Variants in CNGA4 observed in about 807,000 individuals in gnomAD.
CNGA4 encodes cyclic nucleotide-gated channel alpha-4.
Under a neutral mutation model 45.6 loss-of-function variants are expected in CNGA4, and 32 were observed. That is an observed-to-expected ratio of 0.70 (90% confidence interval 0.53 to 0.94). The LOEUF (loss-of-function observed/expected upper bound fraction) is 0.94, where lower values mean the gene tolerates loss of function less well. Ranked by LOEUF, CNGA4 falls within the 40% of genes least tolerant of loss-of-function variation. The pLI, the probability that CNGA4 is intolerant of heterozygous loss-of-function variation, is 0.00. For synonymous variants in CNGA4, 293 were observed against 304.6 expected (o/e 0.96, Z 0.40); for missense variants, 726 against 755.1 (o/e 0.96, Z 0.45).
chr11:6,237,148 T>C (rs917497917), upstream of CNGA4, among the ~76,000 whole-genome samples: 2 of 152,206 alleles, frequency 1.3e-5, no homozygotes, highest in Admixed American at 1.3e-4. Context: ...GCATGGCCTT[T>C]TATGATCTAG....
At position 6,240,793 on chromosome 11, in the gene CNGA4, T is replaced by C. The variant is rs1847907631; in HGVS notation, c.917+82T>C. ...GGGAGGTAACTGGGTCCTTAGTGCC[T>C]GGTGAGCCAGGCAAGGCTGTCAAAA... On this transcript the variant is annotated intron_variant, in intron 4 of 5. Transcript: ENST00000379936. The surrounding 1 kb of genome is among the most constrained non-coding windows in gnomAD (Gnocchi z 4.9). The C allele has an allele frequency of 2.6e-6, 4 of 1,511,460 alleles. No homozygotes were observed. The South Asian group carries it at 3.8e-5, about 14-fold the overall frequency. The allele number at this position is 1,511,460 out of a possible 1,614,324, so 93.6% of individuals were successfully genotyped here.
upstream of CNGA4, among the ~76,000 whole-genome samples, chr11:6,235,966 A>G (rs1268019446): frequency 6.6e-6 from 1 of 152,126 alleles, no homozygotes; most frequent in Non-Finnish European, 1.5e-5. Context: ...AGAAAAAAAG[A>G]AAAGTATTTT....
chr11:6,244,580 A>G (rs111917062), downstream of CNGA4, among the ~76,000 whole-genome samples: 7 of 126,958 alleles, frequency 5.5e-5, no homozygotes, highest in African/African-American at 2.2e-4. The surrounding 1 kb of genome is among the most constrained non-coding windows in gnomAD (Gnocchi z 4.5). Flanking sequence ...GCCCCCACTT[A>G]CCAGTACACA....
At chr11:6,237,919 C>G (rs1286003501), upstream of CNGA4, among the ~76,000 whole-genome samples, 1 of 152,164 alleles carries the variant, frequency 6.6e-6, no homozygotes, top group Non-Finnish European at 1.5e-5. Flanking sequence ...CTGAGCTGGC[C>G]TCTGTCTATC....
At position 6,239,465 on chromosome 11, in the gene CNGA4, C is replaced by G. The variant is rs771727779; in HGVS notation, c.144C>G (p.Asn48Lys). The change falls in exon 2 of 6, where the codon AAC becomes AAG. Residue 48 changes from asparagine (N) to lysine (K), a missense_variant. Asn to Lys is a moderately conservative substitution (Grantham distance 94). Transcript: ENST00000379936. ...CAATGGTCTTCCCAGTCATGTATAA[C>G]CTCATCATCCTCGTGTGCAGGTATG... is the stretch of plus-strand genomic sequence containing the variant. ...LNTMVFPVMY[N>K]LIILVCRACF... 6.2e-7 allele frequency: 1 copy of G among 1,614,080 alleles called. No individual in the cohort carries two copies. Among genetic ancestry groups the G allele is most frequent in the Non-Finnish European group, 8.5e-7 (1 of 1,180,042 alleles).
rs761683207 is a variant in CNGA4 at position 6,240,310 on chromosome 11, G to A, written c.516G>A (p.Leu172=). 1.9e-6 allele frequency: 3 copies of A among 1,614,206 alleles called. No homozygotes were observed. In the South Asian group the frequency reaches 3.3e-5, roughly 18 times the overall value. ...CAAATGCCTTTCGCATTGCCAAGCT[G>A]ATGCTTTACATTTTTGTCGTCATCC... is the stretch of plus-strand genomic sequence containing the variant. ...AYPNAFRIAK[L]MLYIFVVIHW... is the part of the protein sequence containing the mutation. Residue 172 remains leucine (L), a synonymous_variant, in exon 4 of 6, where the codon CTG becomes CTA. Transcript: ENST00000379936. The surrounding 1 kb of genome is among the most constrained non-coding windows in gnomAD (Gnocchi z 4.9).
chr11:6,235,971 T>G (rs1472869186), upstream of CNGA4, among the ~76,000 whole-genome samples: 1 of 151,682 alleles, frequency 6.6e-6, no homozygotes, highest in Non-Finnish European at 1.5e-5. Flanking sequence ...AAAAGAAAAG[T>G]ATTTTGCCAA....
chr11:6,236,312 G>A (rs1415582608), upstream of CNGA4, among the ~76,000 whole-genome samples: 1 of 152,122 alleles, frequency 6.6e-6, no homozygotes, highest in Non-Finnish European at 1.5e-5. Flanking sequence ...ACCATGTTAA[G>A]GAATTTAGAT....
In CNGA4 at chr11:6,240,573, C is replaced by T; in HGVS notation, c.779C>T (p.Thr260Ile). ...CTGCTGGCCGTCATGGGTTTCGCCACCATCATGGGTAGCATGAGCTCTGTC... is the reference window on the plus strand; with the variant it reads ...CTGCTGGCCGTCATGGGTTTCGCCATCATCATGGGTAGCATGAGCTCTGTC... ...DFLLAVMGFATIMGSMSSVIY... is the reference protein window; with the variant it reads ...DFLLAVMGFAIIMGSMSSVIY... Residue 260 changes from threonine (T) to isoleucine (I), a missense_variant, in exon 4 of 6, where the codon ACC becomes ATC. Physicochemically the swap from Thr to Ile is moderately conservative, Grantham distance 89. Coordinates refer to ENST00000379936, the MANE Select transcript of CNGA4 (RefSeq NM_001037329.4). This position sits in a 1 kb window ranked among gnomAD's most constrained non-coding sequence, Gnocchi z 4.9. 6.2e-7 allele frequency: 1 copy of T among 1,614,202 alleles called. No individual in the cohort carries two copies. Among genetic ancestry groups the T allele is most frequent in the South Asian group, 1.1e-5 (1 of 91,086 alleles).
At chr11:6,235,926 G>A (rs1847828877), upstream of CNGA4, among the ~76,000 whole-genome samples, 1 of 149,966 alleles carries the variant, frequency 6.7e-6, no homozygotes. Flanking sequence ...GCGACAGGGC[G>A]AGACTCCGTC....
Position 6,240,181 on chromosome 11 carries a change from CG to C in CNGA4, c.388del (p.Val130CysfsTer10). ...ASLMPTDVVY[V>X]RLGPHTPTLR... ...CCCTGATGCCCACAGATGTGGTCTACGTGCGGCTGGGCCCGCACACACCCAC... is the reference window on the plus strand; with the variant it reads ...CCCTGATGCCCACAGATGTGGTCTACTGCGGCTGGGCCCGCACACACCCAC... On this transcript the variant is annotated frameshift_variant, in exon 4 of 6. Transcript: ENST00000379936. LOFTEE classifies it high-confidence loss of function. This position sits in a 1 kb window ranked among gnomAD's most constrained non-coding sequence, Gnocchi z 4.9. The C allele has an allele frequency of 6.2e-7, 1 of 1,614,212 alleles. No individual in the cohort carries two copies. The highest frequency in any genetic ancestry group is 8.5e-7 in the Non-Finnish European group (1 of 1,180,048).
At position 6,240,243 on chromosome 11, in the gene CNGA4, T is replaced by G. The variant is rs1020034453; in HGVS notation, c.449T>G (p.Leu150Arg). 1 of 1,614,110 alleles carries G rather than the reference T, an allele frequency of 6.2e-7. No homozygotes were observed. Among genetic ancestry groups the G allele is most frequent in the Non-Finnish European group, 8.5e-7 (1 of 1,180,046 alleles). ...AACCGCTTTCTCCGCGCGCCCCGCC[T>G]CTTCGAGGCCTTCGACCGCACAGAG... ...RLNRFLRAPR[L>R]FEAFDRTETR... Residue 150 changes from leucine (L) to arginine (R), a missense_variant, in exon 4 of 6, where the codon CTC becomes CGC. Physicochemically the swap from Leu to Arg is moderately radical, Grantham distance 102. Transcript: ENST00000379936. The surrounding 1 kb of genome is among the most constrained non-coding windows in gnomAD (Gnocchi z 4.9).
chr11:6,242,297 T>A (rs1697929373), intron 5 of CNGA4, among the ~76,000 whole-genome samples: 1 of 152,038 alleles, frequency 6.6e-6, no homozygotes, highest in African/African-American at 2.4e-5. Flanking sequence ...ACAACCTTTT[T>A]ACAGCCAAGT....
At chr11:6,244,513 G>A, downstream of CNGA4, 1 of 1,118,472 alleles carries the variant, frequency 8.9e-7, no homozygotes, top group Non-Finnish European at 1.3e-6. This position sits in a 1 kb window ranked among gnomAD's most constrained non-coding sequence, Gnocchi z 4.5. Context: ...CACAGACACA[G>A]GAGCGAATTG....
chr11:6,240,510 C>T lies in CNGA4; in HGVS notation c.716C>T (p.Ala239Val). The change falls in exon 4 of 6, where the codon GCC (alanine) becomes GTC (valine). Residue 239 changes from alanine (A) to valine (V), a missense_variant. Physicochemically the swap from Ala to Val is moderately conservative, Grantham distance 64. Coordinates refer to ENST00000379936, the MANE Select transcript of CNGA4 (RefSeq NM_001037329.4). This position sits in a 1 kb window ranked among gnomAD's most constrained non-coding sequence, Gnocchi z 4.9. ...LTTVGDTPPP[A>V]REEEYLFMVG... Reference sequence around the variant, plus strand: ...ACAGTGGGCGATACACCGCCGCCAGCCAGGGAAGAAGAGTACCTCTTCATG... The same window carrying T: ...ACAGTGGGCGATACACCGCCGCCAGTCAGGGAAGAAGAGTACCTCTTCATG... 1.9e-6 allele frequency: 3 copies of T among 1,614,214 alleles called. No homozygotes were observed. Among genetic ancestry groups the T allele is most frequent in the Non-Finnish European group, 2.5e-6 (3 of 1,180,046 alleles).
At chr11:6,243,362 A>G (rs1847944439) in intron 5 of CNGA4, among the ~76,000 whole-genome samples, 1 of 152,184 alleles carries the variant, frequency 6.6e-6, no homozygotes, top group East Asian at 1.9e-4. Flanking sequence ...GCAGAAGGCA[A>G]AGGGGGAGCA....
chr11:6,235,088 G>T (rs1287703710), upstream of CNGA4, among the ~76,000 whole-genome samples: 2 of 152,238 alleles, frequency 1.3e-5, no homozygotes, highest in Non-Finnish European at 2.9e-5. Flanking sequence ...TGGGGCCATG[G>T]ATTCCAGGAG....
intron 3 of CNGA4, 135 bp from the exon 4 acceptor site, chr11:6,239,931 C>T: frequency 1.5e-6 from 2 of 1,376,290 alleles, no homozygotes; most frequent in African/African-American, 1.4e-5. Context: ...GTGCTCACCC[C>T]GGAAAGCCGG....
chr11:6,241,358 T>G, intron 4 of CNGA4, 73 bp from the exon 5 acceptor site: 1 of 1,227,660 alleles, frequency 8.1e-7, no homozygotes. Flanking sequence ...GGAGCTGAGC[T>G]GAGCCCTGAA....
Sources: gnomAD v4.1 joint callset for allele counts (sites outside exome capture counted in the v4.1 genomes callset) on GRCh38, gnomAD v4.1.1 for gene constraint, Gnocchi (gnomAD v3.1) non-coding constraint, MANE v1.5 for transcripts, NCBI Gene and HGNC (gene_info 2026-07-23, HGNC 2026-07-21) for gene names.